Variants in TMEM132D observed in about 807,000 individuals in gnomAD.
TMEM132D encodes transmembrane protein 132D.
TMEM132D carries 21 observed loss-of-function variants against 62.3 expected under a neutral mutation model. The observed-to-expected ratio is 0.34, with a 90% CI of 0.24 to 0.49. The LOEUF is 0.49. TMEM132D is among the 20% of genes least tolerant of loss of function. The probability of loss-of-function intolerance (pLI) is 0.99; values close to 1 mark genes in which losing one functional copy is unlikely to be tolerated. For synonymous variants in TMEM132D, 621 were observed against 575.6 expected (o/e 1.08, Z -1.13); for missense variants, 1,346 against 1,402.8 (o/e 0.96, Z 0.65).
At chr12:129,147,306 A>G (rs923042989) in intron 5 of TMEM132D, among the ~76,000 whole-genome samples, 2 of 91,944 alleles carry the variant, frequency 2.2e-5, no homozygotes, top group East Asian at 5.2e-4. Context: ...ATATATATAC[A>G]TATGTGTATA....
intron 2 of TMEM132D, among the ~76,000 whole-genome samples, chr12:129,644,795 G>A (rs1879728397): frequency 6.7e-6 from 1 of 149,912 alleles, no homozygotes; most frequent in Non-Finnish European, 1.5e-5. Flanking sequence ...TGGCTAACAT[G>A]GTGAAACCCC....
intron 1 of TMEM132D, among the ~76,000 whole-genome samples, chr12:129,744,085 CACTA>C (rs1419169191): frequency 6.6e-6 from 1 of 152,152 alleles, no homozygotes; most frequent in South Asian, 2.1e-4. Context: ...CTGAGATGCC[CACTA>C]ACTGTGTGGA....
chr12:129,398,474 A>C (rs573316584), intron 3 of TMEM132D, among the ~76,000 whole-genome samples: 2 of 152,294 alleles, frequency 1.3e-5, no homozygotes, highest in African/African-American at 4.8e-5. Context: ...ATCAGCAGAC[A>C]TGCCTTTATA....
intron 5 of TMEM132D, among the ~76,000 whole-genome samples, chr12:129,129,098 G>C (rs375372510): frequency 6.8e-4 from 104 of 152,256 alleles, no homozygotes; most frequent in African/African-American, 2.5e-3. Context: ...CAAGTACTGA[G>C]CATGGTACCC....
At chr12:129,823,371 T>C (rs1872584754) in intron 1 of TMEM132D, among the ~76,000 whole-genome samples, 1 of 152,268 alleles carries the variant, frequency 6.6e-6, no homozygotes, top group Admixed American at 6.5e-5. Flanking sequence ...TCCAGACTCC[T>C]AGAAGAAAAG....
intron 1 of TMEM132D, among the ~76,000 whole-genome samples, chr12:129,765,318 G>T (rs568270020): frequency 6.6e-6 from 1 of 152,210 alleles, no homozygotes; most frequent in East Asian, 1.9e-4. Context: ...TGTAATCCCA[G>T]AACTTTGAGA....
chr12:129,263,742 A>T (rs747247183), intron 4 of TMEM132D, among the ~76,000 whole-genome samples: 3 of 152,094 alleles, frequency 2.0e-5, no homozygotes, highest in Non-Finnish European at 4.4e-5. Flanking sequence ...GGATTAAAAT[A>T]TACATCCCAA....
rs143630986 is a variant in TMEM132D, at chr12:129,897,458, C to T, written c.79+5803G>A. Among the ~76,000 whole-genome samples, 379 of 152,226 alleles carry T rather than the reference C, an allele frequency of 2.5e-3. 3 individuals carry two copies. The highest frequency in any genetic ancestry group is 4.7e-3 in the Non-Finnish European group (318 of 68,020). On this transcript the variant is annotated intron_variant, in intron 1 of 8. Transcript: ENST00000422113. The stretch of plus-strand genomic sequence containing the variant: ...TTAGTCTTCCCTGCCCAGGACCCTA[C>T]ACATGTTAGGGACATAGATGAATAA...
chr12:129,821,661 G>A (rs11060570), intron 1 of TMEM132D, among the ~76,000 whole-genome samples: 4,754 of 151,056 alleles, frequency 0.031, 250 homozygotes, highest in African/African-American at 0.11. Flanking sequence ...AACGTGCAGC[G>A]GAACTCACAG....
intron 4 of TMEM132D, among the ~76,000 whole-genome samples, chr12:129,325,740 C>T (rs1300049060): frequency 6.6e-6 from 1 of 152,198 alleles, no homozygotes; most frequent in Non-Finnish European, 1.5e-5. Flanking sequence ...ATCATTGGCT[C>T]TGAGCAATTA....
At chr12:129,755,035 T>A (rs1714778221) in intron 1 of TMEM132D, among the ~76,000 whole-genome samples, 1 of 152,204 alleles carries the variant, frequency 6.6e-6, no homozygotes, top group South Asian at 2.1e-4. Context: ...GTCCTTTCAA[T>A]GTTATTGTTT....
intron 2 of TMEM132D, among the ~76,000 whole-genome samples, chr12:129,677,347 C>G (rs1880655687): frequency 6.6e-6 from 1 of 152,164 alleles, no homozygotes; most frequent in South Asian, 2.1e-4. Context: ...GTGACTTGCT[C>G]CTCCTTGCCT....
intron 1 of TMEM132D, among the ~76,000 whole-genome samples, chr12:129,815,065 T>C (rs1417221326): frequency 6.6e-6 from 1 of 152,218 alleles, no homozygotes; most frequent in Non-Finnish European, 1.5e-5. Flanking sequence ...ATTGGAGCCT[T>C]TTCCTGGAAC....
intron 4 of TMEM132D, among the ~76,000 whole-genome samples, chr12:129,332,828 A>G (rs778995924): frequency 9.9e-5 from 15 of 152,200 alleles, no homozygotes; most frequent in African/African-American, 1.7e-4. Flanking sequence ...GCTAATATAT[A>G]GAAATAGAAA....
At chr12:129,733,043 T>C (rs1170127621) in intron 1 of TMEM132D, among the ~76,000 whole-genome samples, 1 of 152,146 alleles carries the variant, frequency 6.6e-6, no homozygotes, top group African/African-American at 2.4e-5. Context: ...GACCTCACAC[T>C]CTTGGTTTGA....
chr12:129,597,933 A>T (rs1277836594), intron 2 of TMEM132D, among the ~76,000 whole-genome samples: 1 of 151,782 alleles, frequency 6.6e-6, no homozygotes, highest in African/African-American at 2.4e-5. Flanking sequence ...ACAGGAGTTT[A>T]AAAAAAACAC....
intron 2 of TMEM132D, among the ~76,000 whole-genome samples, chr12:129,560,206 T>C (rs1877176362): frequency 6.6e-6 from 1 of 152,146 alleles, no homozygotes; most frequent in Non-Finnish European, 1.5e-5. Context: ...ACACTTAACA[T>C]TCAACATGCA....
At chr12:129,246,656 C>T (rs10847814) in intron 4 of TMEM132D, among the ~76,000 whole-genome samples, 6,079 of 152,058 alleles carry the variant, frequency 0.04, 269 homozygotes, top group East Asian at 0.22. Flanking sequence ...ATCCCAGCTA[C>T]TCGGGAGACT....
At chr12:129,778,904 G>A (rs903597694) in intron 1 of TMEM132D, among the ~76,000 whole-genome samples, 7 of 152,116 alleles carry the variant, frequency 4.6e-5, no homozygotes, top group African/African-American at 7.2e-5. Context: ...ACAGACACTG[G>A]GTTTGTGAAT....
Sources: allele counts gnomAD v4.1 joint callset (sites outside exome capture counted in the v4.1 genomes callset), GRCh38; gene constraint gnomAD v4.1.1; transcripts MANE v1.5; gene names NCBI Gene and HGNC (gene_info 2026-07-23, HGNC 2026-07-21).